EMC8: variants seen among roughly 807,000 people sequenced by gnomAD.
EMC8 encodes the protein ER membrane protein complex subunit 8.
Under a neutral mutation model 24.3 loss-of-function variants are expected in EMC8, and 11 were observed. The observed-to-expected ratio is 0.45, with a 90% CI of 0.28 to 0.75. The LOEUF (loss-of-function observed/expected upper bound fraction) is 0.75. Among genes scored for constraint, EMC8 ranks in the 30% least tolerant of loss-of-function variants. The pLI is 0.12. For missense variants in EMC8, 277 were observed against 282.7 expected, an observed-to-expected ratio of 0.98 and a Z score of 0.14; for synonymous variants, 145 against 117.7, an observed-to-expected ratio of 1.23 and a Z score of -1.50.
At chr16:85,793,325 A>G (rs946459983) in intron 1 of EMC8, among the ~76,000 whole-genome samples, 2 of 152,346 alleles carry the variant, frequency 1.3e-5, no homozygotes, top group South Asian at 2.1e-4. Flanking sequence ...TATCTGCAGC[A>G]AAAAGTAGGC....
chr16:85,786,657 T>C (rs1171494527), intron 2 of EMC8, among the ~76,000 whole-genome samples: 1 of 152,098 alleles, frequency 6.6e-6, no homozygotes, highest in Non-Finnish European at 1.5e-5. Context: ...TCCGGATGCA[T>C]TTAAAAGTCA....
chr16:85,793,773 G>A (rs192897231), intron 1 of EMC8, among the ~76,000 whole-genome samples: 27 of 152,292 alleles, frequency 1.8e-4, no homozygotes, highest in Admixed American at 1.8e-3. Flanking sequence ...GGGGAAAAGG[G>A]CAGAAAGGGA....
chr16:85,790,467 T>G (rs10514609), intron 1 of EMC8, among the ~76,000 whole-genome samples: 8 of 152,016 alleles, frequency 5.3e-5, no homozygotes, highest in Non-Finnish European at 1.0e-4. Flanking sequence ...CATTGTGACT[T>G]TGCTGAAAAC....
rs1457362594 is a variant in EMC8 at position 85,779,527 on chromosome 16, C to T, written c.*181G>A. On this transcript the variant is annotated 3_prime_UTR_variant, in exon 5 of 5. Coordinates refer to ENST00000253457, the MANE Select transcript of EMC8 (RefSeq NM_006067.5). Reference sequence around the variant, plus strand: ...GTCAGACGGGATGTCTGCACCTCTTCTAGAGACTCTGTGTTAAAAACACGA... The same window carrying T: ...GTCAGACGGGATGTCTGCACCTCTTTTAGAGACTCTGTGTTAAAAACACGA... 1 of 588,128 alleles carries T rather than the reference C, an allele frequency of 1.7e-6. No individual in the cohort carries two copies. Among genetic ancestry groups the T allele is most frequent in the Non-Finnish European group, 3.0e-6 (1 of 332,298 alleles). 36.4% of individuals were successfully genotyped at this position (588,128 alleles called of 1,614,324 possible). A position where few individuals can be genotyped will look rare whatever the true frequency, so the allele number is the denominator to read the frequency against.
At chr16:85,787,264 G>A (rs1904797325) in intron 2 of EMC8, among the ~76,000 whole-genome samples, 1 of 152,152 alleles carries the variant, frequency 6.6e-6, no homozygotes, top group Non-Finnish European at 1.5e-5. Context: ...CTCCACGTCT[G>A]CACTTGACAA....
At chr16:85,780,343 G>C in intron 4 of EMC8, 36 bp downstream of exon 4, 1 of 1,537,554 alleles carries the variant, frequency 6.5e-7, no homozygotes, top group Non-Finnish European at 9.0e-7. Context: ...GGCGCTGAAG[G>C]AGCCCAGCCC....
intron 1 of EMC8, among the ~76,000 whole-genome samples, 154 bp from the exon 2 acceptor site, chr16:85,789,204 G>GA (rs1904893473): frequency 6.6e-6 from 1 of 152,028 alleles, no homozygotes. Flanking sequence ...TAGGACTCAG[G>GA]AAAAAATGGT....
intron 1 of EMC8, among the ~76,000 whole-genome samples, chr16:85,790,169 G>A (rs1276578106): frequency 6.6e-6 from 1 of 151,402 alleles, no homozygotes. Flanking sequence ...TTTTTGTAGG[G>A]AATAAACTGG....
intron 1 of EMC8, among the ~76,000 whole-genome samples, chr16:85,797,841 C>T (rs1905306175): frequency 6.6e-6 from 1 of 152,144 alleles, no homozygotes; most frequent in African/African-American, 2.4e-5. Flanking sequence ...AAATGAAAAA[C>T]AAACAGCACC....
At chr16:85,796,214 C>T (rs999738019) in intron 1 of EMC8, among the ~76,000 whole-genome samples, 2 of 152,142 alleles carry the variant, frequency 1.3e-5, no homozygotes, top group Non-Finnish European at 1.5e-5. Context: ...ATCACCTCCC[C>T]TCCAGACCTG....
chr16:85,795,486 C>T (rs1261735937), intron 1 of EMC8, among the ~76,000 whole-genome samples: 1 of 152,212 alleles, frequency 6.6e-6, no homozygotes, highest in Admixed American at 6.5e-5. Flanking sequence ...TAGGACCCCA[C>T]CTTCTCCTGC....
At chr16:85,781,121 G>T in intron 3 of EMC8, 90 bp downstream of exon 3, 1 of 870,388 alleles carries the variant, frequency 1.1e-6, no homozygotes, top group Non-Finnish European at 1.9e-6. Flanking sequence ...GAGTGAAGGG[G>T]TTAGCGGAAA....
rs139135945 is a variant in EMC8, at chr16:85,783,772, T to G, written c.309-2492A>C. Among the ~76,000 whole-genome samples, 725 of 152,324 alleles carry G rather than the reference T, an allele frequency of 4.8e-3. 7 individuals carry two copies. Among genetic ancestry groups the G allele is most frequent in the African/African-American group, 0.016 (678 of 41,574 alleles). ...GCCCTCCACACCAAGGCCTCCTTAC[T>G]GAATTGCTTCCCCTCTTTCAGTGCC... On this transcript the variant is annotated intron_variant, in intron 2 of 4. Transcript: ENST00000253457.
intron 3 of EMC8, 93 bp downstream of exon 3, chr16:85,781,118 G>A (rs1049356120): frequency 7.2e-6 from 6 of 834,668 alleles, no homozygotes; most frequent in Admixed American, 2.0e-5. Flanking sequence ...AATGAGTGAA[G>A]GGGTTAGCGG....
chr16:85,799,423 G>C lies in EMC8; in HGVS notation c.-128C>G, dbSNP rs890541349. On this transcript the variant is annotated 5_prime_UTR_variant, in exon 1 of 5. Coordinates refer to ENST00000253457, the MANE Select transcript of EMC8 (RefSeq NM_006067.5). This position sits in a 1 kb window ranked among gnomAD's most constrained non-coding sequence, Gnocchi z 4.2. ...GCGATTGATGGCGCGGCCGCGGGCT[G>C]GCGGGGGACCCTTCAGGCCCGGCCC... The C allele has an allele frequency of 3.8e-6, 2 of 530,690 alleles. No individual in the cohort carries two copies. Among genetic ancestry groups the C allele is most frequent in the Non-Finnish European group, 6.2e-6 (2 of 324,092 alleles). 32.9% of individuals were successfully genotyped at this position (530,690 alleles called of 1,614,324 possible). A position where few individuals can be genotyped will look rare whatever the true frequency, so the allele number is the denominator to read the frequency against.
At chr16:85,791,756 T>A (rs1270319182) in intron 1 of EMC8, among the ~76,000 whole-genome samples, 3 of 152,224 alleles carry the variant, frequency 2.0e-5, no homozygotes, top group African/African-American at 7.2e-5. Flanking sequence ...CACATCACTC[T>A]GACCTCTGCT....
rs74032008 is a variant in EMC8 at position 85,780,977 on chromosome 16, G to A, written c.378+234C>T. On this transcript the variant is annotated intron_variant, in intron 3 of 4. Transcript: ENST00000253457. ...ATTCGCATTTCTAACAAGTTCCCAG[G>A]TGCTGCGGCTGGCAGGGGACCCCAC... The A allele has an allele frequency of 2.4e-3, 1,354 of 557,880 alleles. 15 individuals are homozygous for A. The highest frequency in any genetic ancestry group is 0.022 in the African/African-American group (1,173 of 53,130). The allele number at this position is 557,880 out of a possible 1,614,324, so 34.6% of individuals were successfully genotyped here.
At position 85,793,322 on chromosome 16, in the gene EMC8, A is replaced by G. The variant is rs143864398; in HGVS notation, c.232-4272T>C. ...TAACCTGCTGAGCCTTCCTATCTGC[A>G]GCAAAAAGTAGGCCTTGGAGTTCAG... is the stretch of plus-strand genomic sequence containing the variant. On this transcript the variant is annotated intron_variant, in intron 1 of 4. Coordinates refer to ENST00000253457, the MANE Select transcript of EMC8 (RefSeq NM_006067.5). 4.7e-3 allele frequency among the ~76,000 whole-genome samples: 715 copies of G among 152,342 alleles called. 6 individuals carry two copies. Among genetic ancestry groups the G allele is most frequent in the African/African-American group, 0.016 (668 of 41,578 alleles).
intron 1 of EMC8, among the ~76,000 whole-genome samples, chr16:85,793,560 G>C (rs1340620760): frequency 6.6e-6 from 1 of 152,208 alleles, no homozygotes; most frequent in East Asian, 1.9e-4. Context: ...GAATGTTCTG[G>C]AGATGAACAA....
Sources: allele counts gnomAD v4.1 joint callset (sites outside exome capture counted in the v4.1 genomes callset), GRCh38; gene constraint gnomAD v4.1.1; non-coding constraint Gnocchi (gnomAD v3.1); transcripts MANE v1.5; gene names NCBI Gene and HGNC (gene_info 2026-07-23, HGNC 2026-07-21).